Variants in RPS6KA5 observed in about 807,000 individuals in gnomAD.
RPS6KA5 encodes ribosomal protein S6 kinase alpha-5.
Under a neutral mutation model 85.5 loss-of-function variants are expected in RPS6KA5, and 27 were observed. That is an observed-to-expected ratio of 0.32 (90% CI 0.23 to 0.44). The LOEUF is 0.44. Among genes scored for constraint, RPS6KA5 ranks in the 20% least tolerant of loss-of-function variants. RPS6KA5 has a pLI of 1.00. For missense variants in RPS6KA5, 811 were observed against 980.9 expected, an observed-to-expected ratio of 0.83 and a Z score of 2.31; for synonymous variants, 334 against 348.2, an observed-to-expected ratio of 0.96 and a Z score of 0.46.
intron 1 of RPS6KA5, among the ~76,000 whole-genome samples, chr14:91,059,654 G>C (rs970487015): frequency 1.3e-5 from 2 of 152,222 alleles, no homozygotes; most frequent in African/African-American, 2.4e-5. Flanking sequence ...CTGCTCGTTA[G>C]TTCCTTTTAC....
chr14:90,910,431 T>C (rs1277892638), intron 7 of RPS6KA5, among the ~76,000 whole-genome samples: 5 of 151,984 alleles, frequency 3.3e-5, no homozygotes, highest in Non-Finnish European at 2.9e-5. Flanking sequence ...AGACAGGAAA[T>C]AAGCAAGGAT....
intron 2 of RPS6KA5, among the ~76,000 whole-genome samples, chr14:90,993,793 G>A (rs1374468479): frequency 6.6e-6 from 1 of 152,096 alleles, no homozygotes; most frequent in Non-Finnish European, 1.5e-5. Context: ...GCAAATTCAC[G>A]TTTAATCCTG....
chr14:91,053,843 C>G (rs2043197293), intron 1 of RPS6KA5, among the ~76,000 whole-genome samples: 1 of 152,188 alleles, frequency 6.6e-6, no homozygotes, highest in African/African-American at 2.4e-5. Context: ...CAGACACTAA[C>G]AAGCTGATCC....
intron 1 of RPS6KA5, among the ~76,000 whole-genome samples, chr14:91,028,019 T>C (rs2042048706): frequency 6.6e-6 from 1 of 152,176 alleles, no homozygotes. Flanking sequence ...GACTTAACAT[T>C]AAAATCAAAC....
chr14:90,911,621 CAAT>C (rs1455531380), intron 7 of RPS6KA5, among the ~76,000 whole-genome samples: 4 of 152,092 alleles, frequency 2.6e-5, no homozygotes, highest in Non-Finnish European at 4.4e-5. Flanking sequence ...TGTATCCACT[CAAT>C]AGTACATTAA....
chr14:90,904,601 AAAAT>A (rs1487177964), intron 8 of RPS6KA5, among the ~76,000 whole-genome samples: 1 of 152,306 alleles, frequency 6.6e-6, no homozygotes, highest in African/African-American at 2.4e-5. Context: ...TATATATATT[AAAAT>A]AAACTTCTAG....
rs188397291 is a variant in RPS6KA5 at position 90,974,253 on chromosome 14, G to A, written c.394+4053C>T. ...TTTATGGTGTATTCCAGCTCAAAAC[G>A]TTTAAGTTTAACCTATTGAGACTTT... is the stretch of plus-strand genomic sequence containing the variant. On this transcript the variant is annotated intron_variant, in intron 3 of 16. Coordinates refer to ENST00000614987, the MANE Select transcript of RPS6KA5 (RefSeq NM_004755.4). 1.6e-3 allele frequency among the ~76,000 whole-genome samples: 242 copies of A among 152,138 alleles called. 1 individual carries two copies. Among genetic ancestry groups the A allele is most frequent in the Middle Eastern group, 6.8e-3 (2 of 294 alleles).
In RPS6KA5 at chr14:90,849,132, G is replaced by A. The variant is rs1294531752; in HGVS notation, c.*22942C>T. 5 of 152,338 alleles carry A rather than the reference G, an allele frequency of 3.3e-5. No homozygotes were observed. In the East Asian group the frequency reaches 9.6e-4, roughly 29 times the overall value. The allele number at this position is 152,338 out of a possible 1,614,324, so 9.4% of individuals were successfully genotyped here. A position where few individuals can be genotyped will look rare whatever the true frequency, so the allele number is the denominator to read the frequency against. ...AGAAAAGGGGACTCAGTCGTAACCA[G>A]GAGAGCCCGCGCAGGCACCTTGGTG... On this transcript the variant is annotated 3_prime_UTR_variant, in exon 17 of 17. Transcript: ENST00000614987.
intron 13 of RPS6KA5, among the ~76,000 whole-genome samples, chr14:90,890,899 C>T (rs1033661222): frequency 2.0e-5 from 3 of 152,052 alleles, no homozygotes; most frequent in Admixed American, 2.0e-4. Context: ...TTCAACTGCA[C>T]CATGCCTCTT....
chr14:90,889,956 C>T (rs1020529755), intron 14 of RPS6KA5, among the ~76,000 whole-genome samples: 3 of 151,990 alleles, frequency 2.0e-5, no homozygotes, highest in African/African-American at 7.2e-5. Flanking sequence ...AGAAAAAAAA[C>T]ACAAGATTTT....
chr14:90,870,647 CA>C lies in RPS6KA5; in HGVS notation c.*1426del, dbSNP rs2033038019. The stretch of plus-strand genomic sequence containing the variant: ...CATGTCCAAATTCCAAACTAATGCT[CA>C]AAAGGTTATCATTAACAAAAACTAT... On this transcript the variant is annotated 3_prime_UTR_variant, in exon 17 of 17. Transcript: ENST00000614987. 1 of 152,006 alleles carries C rather than the reference CA, an allele frequency of 6.6e-6. No individual in the cohort carries two copies. Among genetic ancestry groups the C allele is most frequent in the Non-Finnish European group, 1.5e-5 (1 of 67,942 alleles). The allele number at this position is 152,006 out of a possible 1,614,324, so 9.4% of individuals were successfully genotyped here. A position where few individuals can be genotyped will look rare whatever the true frequency, so the allele number is the denominator to read the frequency against.
chr14:90,858,455 C>G lies in RPS6KA5; in HGVS notation c.*13619G>C, dbSNP rs1400395156. 3.3e-5 allele frequency: 5 copies of G among 152,212 alleles called. No homozygotes were observed. Among genetic ancestry groups the G allele is most frequent in the Admixed American group, 3.3e-4 (5 of 15,276 alleles). 9.4% of individuals were successfully genotyped at this position (152,212 alleles called of 1,614,324 possible). On this transcript the variant is annotated 3_prime_UTR_variant, in exon 17 of 17. Transcript: ENST00000614987. ...TTATTATACTTTGTAAATGGAAATA[C>G]CACTACTAAGAACAGAATGCTATAA...
intron 1 of RPS6KA5, among the ~76,000 whole-genome samples, chr14:91,050,418 TG>T (rs1428812037): frequency 4.0e-5 from 6 of 151,208 alleles, no homozygotes; most frequent in Non-Finnish European, 8.8e-5. Flanking sequence ...AGCATCTTAT[TG>T]GCTTGTTTTT....
intron 1 of RPS6KA5, among the ~76,000 whole-genome samples, chr14:91,047,235 G>C (rs1043293392): frequency 2.0e-5 from 3 of 152,164 alleles, no homozygotes; most frequent in African/African-American, 7.2e-5. Flanking sequence ...AAGAAAATAA[G>C]AAGAAAGAAC....
At chr14:90,973,784 C>T (rs896702701) in intron 3 of RPS6KA5, among the ~76,000 whole-genome samples, 11 of 152,078 alleles carry the variant, frequency 7.2e-5, no homozygotes, top group Non-Finnish European at 1.6e-4. Flanking sequence ...CGCCTGTAAT[C>T]CCAGCACTTT....
chr14:90,999,774 C>G (rs1168017321), intron 2 of RPS6KA5, among the ~76,000 whole-genome samples: 3 of 152,180 alleles, frequency 2.0e-5, no homozygotes, highest in Non-Finnish European at 4.4e-5. Context: ...TGGGGCTCTT[C>G]TACATGCAGG....
chr14:90,879,775 C>T (rs2033710222), intron 14 of RPS6KA5, among the ~76,000 whole-genome samples: 2 of 139,372 alleles, frequency 1.4e-5, no homozygotes, highest in South Asian at 2.3e-4. Flanking sequence ...TTTCTCTCCA[C>T]TCCTAATTTT....
chr14:90,875,328 T>C lies in RPS6KA5; in HGVS notation c.1869A>G (p.Gln623=). 6.2e-7 allele frequency: 1 copy of C among 1,613,932 alleles called. No homozygotes were observed. The change falls in exon 15 of 17, where the codon CAA becomes CAG. Residue 623 remains glutamine (Q), a synonymous_variant. Coordinates refer to ENST00000614987, the MANE Select transcript of RPS6KA5 (RefSeq NM_004755.4). ...YTMLSGQVPF[Q]SHDRSLTCTS... ...TACACGTCAAACTTCGGTCATGAGA[T>C]TGGAAGGGAACCTGTCCTGACAACA...
intron 1 of RPS6KA5, among the ~76,000 whole-genome samples, chr14:91,032,038 T>C (rs548443971): frequency 1.3e-5 from 2 of 152,336 alleles, no homozygotes; most frequent in South Asian, 2.1e-4. Context: ...GGCGACATTA[T>C]AGGCAGGTCC....
Sources: allele counts gnomAD v4.1 joint callset (sites outside exome capture counted in the v4.1 genomes callset), GRCh38; gene constraint gnomAD v4.1.1; transcripts MANE v1.5; gene names NCBI Gene and HGNC (gene_info 2026-07-23, HGNC 2026-07-21).